The following SLC23A2 variants were observed in gnomAD, a reference collection of about 807,000 sequenced individuals.
SLC23A2 encodes the protein solute carrier family 23 member 2, also known as Na(+)/L-ascorbic acid transporter 2.
In SLC23A2, 36 loss-of-function variants were observed where a neutral mutation model predicts 73.3. The observed-to-expected ratio is 0.49, with a 90% CI of 0.38 to 0.65. The LOEUF is 0.65. Ranked by LOEUF, SLC23A2 falls within the 30% of genes least tolerant of loss-of-function variation. SLC23A2 has a pLI of 0.00. For synonymous variants in SLC23A2, 343 were observed against 327.3 expected, an observed-to-expected ratio of 1.05 and a Z score of -0.52; for missense variants, 507 against 841.6, an observed-to-expected ratio of 0.60 and a Z score of 4.92.
upstream of SLC23A2, among the ~76,000 whole-genome samples, chr20:5,002,675 T>C (rs779946523): frequency 8.5e-5 from 13 of 152,258 alleles, no homozygotes; most frequent in Non-Finnish European, 1.8e-4. Context: ...GTGTGGTCTG[T>C]GTCTTGACAA....
chr20:4,867,973 C>A, intron 12 of SLC23A2, 98 bp from the exon 13 acceptor site: 1 of 677,606 alleles, frequency 1.5e-6, no homozygotes, highest in Non-Finnish European at 2.5e-6. Context: ...AAATGTGGTC[C>A]AGAGCCTGCA....
intron 2 of SLC23A2, among the ~76,000 whole-genome samples, chr20:4,935,785 C>T (rs370734561): frequency 2.2e-4 from 34 of 151,508 alleles, no homozygotes; most frequent in African/African-American, 3.9e-4. Flanking sequence ...GGCGACAGAG[C>T]GAGACTCCAT....
At position 4,911,616 on chromosome 20, in the gene SLC23A2, T is replaced by C. The variant is rs528846437; in HGVS notation, c.207+1264A>G. ...ATAGAATTTCTCATTACATAAATTG[T>C]TTAGTTTCTTATTATGTCAGCTGAA... On this transcript the variant is annotated intron_variant, in intron 4 of 16. Transcript: ENST00000338244. Among the ~76,000 whole-genome samples, 10 of 152,296 alleles carry C rather than the reference T, an allele frequency of 6.6e-5. No individual in the cohort carries two copies. In the East Asian group the frequency reaches 1.7e-3, roughly 26 times the overall value.
intron 9 of SLC23A2, among the ~76,000 whole-genome samples, chr20:4,881,191 A>G (rs1930869288): frequency 6.6e-6 from 1 of 152,232 alleles, no homozygotes; most frequent in Non-Finnish European, 1.5e-5. Context: ...AAAGGAATCA[A>G]AAGTCTGGGG....
intron 1 of SLC23A2, among the ~76,000 whole-genome samples, chr20:4,987,425 A>T (rs1047100356): frequency 1.6e-4 from 24 of 152,146 alleles, no homozygotes; most frequent in African/African-American, 4.1e-4. Flanking sequence ...GCAGCAAGAA[A>T]TCTGAGGTCA....
At chr20:4,986,175 A>C (rs2122296325) in intron 1 of SLC23A2, among the ~76,000 whole-genome samples, 1 of 152,258 alleles carries the variant, frequency 6.6e-6, no homozygotes, top group South Asian at 2.1e-4. Context: ...ACACGGCCTA[A>C]AAGGTTATCT....
chr20:4,927,779 G>A (rs1369071282), intron 3 of SLC23A2, among the ~76,000 whole-genome samples: 1 of 151,902 alleles, frequency 6.6e-6, no homozygotes, highest in African/African-American at 2.4e-5. Flanking sequence ...CCTCACCTCT[G>A]TTCTTACTAT....
intron 15 of SLC23A2, among the ~76,000 whole-genome samples, chr20:4,861,297 G>A (rs1269431403): frequency 6.6e-6 from 1 of 152,158 alleles, no homozygotes; most frequent in Non-Finnish European, 1.5e-5. Context: ...ACTGGACAGA[G>A]GTGATGGCTG....
intron 1 of SLC23A2, among the ~76,000 whole-genome samples, chr20:4,981,761 G>A (rs143287163): frequency 0.013 from 1,930 of 151,518 alleles, 43 homozygotes; most frequent in African/African-American, 0.045. Context: ...GAATGCAGTG[G>A]CAAGATCTCG....
chr20:4,964,905 A>G (rs1388434814), intron 2 of SLC23A2, among the ~76,000 whole-genome samples: 1 of 152,038 alleles, frequency 6.6e-6, no homozygotes, highest in Non-Finnish European at 1.5e-5. Flanking sequence ...AGAAGAAAAA[A>G]AAAAAGAAAG....
rs140271485 is a variant in SLC23A2, at chr20:4,912,111, T to A, written c.207+769A>T. 7.0e-4 allele frequency among the ~76,000 whole-genome samples: 106 copies of A among 151,696 alleles called. 1 individual carries two copies. In the East Asian group the frequency reaches 0.016, roughly 23 times the overall value. On this transcript the variant is annotated intron_variant, in intron 4 of 16. Transcript: ENST00000338244. ...CTTCCCGCCTCAGCCTCCCAAAGTATTGGGATTATAGGTGTGAGCCACTGA... is the reference window on the plus strand; with the variant it reads ...CTTCCCGCCTCAGCCTCCCAAAGTAATGGGATTATAGGTGTGAGCCACTGA...
chr20:4,931,684 G>C (rs1470367877), intron 3 of SLC23A2, among the ~76,000 whole-genome samples: 1 of 152,056 alleles, frequency 6.6e-6, no homozygotes, highest in African/African-American at 2.4e-5. Context: ...TGGGAAGATA[G>C]TTCAAGCCTG....
intron 3 of SLC23A2, among the ~76,000 whole-genome samples, chr20:4,928,747 T>G (rs79720476): frequency 0.018 from 2,719 of 152,324 alleles, 44 homozygotes; most frequent in Non-Finnish European, 0.028. Context: ...TTAAATCAAC[T>G]TTATAATTAA....
At chr20:4,986,377 G>A (rs565280936) in intron 1 of SLC23A2, among the ~76,000 whole-genome samples, 3 of 152,148 alleles carry the variant, frequency 2.0e-5, no homozygotes, top group South Asian at 2.1e-4. Flanking sequence ...GCAGTGGCAC[G>A]ATCTCGGCTC....
At chr20:4,964,832 C>CAAA (rs10639211) in intron 2 of SLC23A2, among the ~76,000 whole-genome samples, 16,020 of 88,136 alleles carry the variant, frequency 0.18, 1,433 homozygotes, top group Admixed American at 0.25. Flanking sequence ...GACTCTGTCT[C>CAAA]AAAAAAAAAA....
chr20:4,948,901 A>G (rs2087156415), intron 2 of SLC23A2, among the ~76,000 whole-genome samples: 1 of 152,230 alleles, frequency 6.6e-6, no homozygotes, highest in African/African-American at 2.4e-5. Context: ...CTCAGCTATA[A>G]GACACTCTAG....
chr20:4,941,777 T>C (rs2087046223), intron 2 of SLC23A2, among the ~76,000 whole-genome samples: 1 of 150,286 alleles, frequency 6.7e-6, no homozygotes, highest in African/African-American at 2.4e-5. Context: ...AATAAAAAAA[T>C]AAAAAGAATG....
rs6052966 is a variant in SLC23A2, at chr20:4,928,202, G to A, written c.108+4253C>T. ...CTACAGGCATGCACCACCACGTCCA[G>A]CTAATTTTTAAATTTTTGGTATGAA... On this transcript the variant is annotated intron_variant, in intron 3 of 16. Transcript: ENST00000338244. Among the ~76,000 whole-genome samples, 602 of 152,120 alleles carry A rather than the reference G, an allele frequency of 4.0e-3. 8 individuals carry two copies. Among genetic ancestry groups the A allele is most frequent in the African/African-American group, 0.014 (581 of 41,492 alleles).
intron 2 of SLC23A2, among the ~76,000 whole-genome samples, chr20:4,955,074 C>T (rs1231084344): frequency 1.3e-5 from 2 of 151,948 alleles, no homozygotes; most frequent in Non-Finnish European, 1.5e-5. Context: ...AAGACCTACT[C>T]TCTATTTAAA....
Sources: gnomAD v4.1 joint callset for allele counts (sites outside exome capture counted in the v4.1 genomes callset) on GRCh38, gnomAD v4.1.1 for gene constraint, MANE v1.5 for transcripts, NCBI Gene and HGNC (gene_info 2026-07-23, HGNC 2026-07-21) for gene names.